TTL: variants seen among roughly 807,000 people sequenced by gnomAD.
TTL encodes the protein tubulin tyrosine ligase.
TTL carries 10 observed loss-of-function variants against 41.1 expected under a neutral mutation model. That is an observed-to-expected ratio of 0.24 (90% CI 0.15 to 0.41). TTL has a LOEUF of 0.41. Ranked by LOEUF, TTL falls within the 10% of genes least tolerant of loss-of-function variation. The pLI is 1.00. For synonymous variants in TTL, 175 were observed against 175.5 expected, an observed-to-expected ratio of 1.00 and a Z score of 0.02; for missense variants, 367 against 460.4, an observed-to-expected ratio of 0.80 and a Z score of 1.86.
In TTL at chr2:112,482,622, G is replaced by A. The variant is rs1178262409; in HGVS notation, c.157+121G>A. 8.2e-6 allele frequency: 9 copies of A among 1,103,678 alleles called. No homozygotes were observed. The highest frequency in any genetic ancestry group is 3.1e-5 in the East Asian group (1 of 32,680). The allele number at this position is 1,103,678 out of a possible 1,614,324, so 68.4% of individuals were successfully genotyped here. On this transcript the variant is annotated intron_variant, in intron 1 of 6. Transcript: ENST00000233336. This position sits in a 1 kb window ranked among gnomAD's most constrained non-coding sequence, Gnocchi z 5.3. ...TACATTTTCTCCTCTGTCGCTTGTC[G>A]GGCACATCAGAAACGGATTCGGAAA...
chr2:112,513,168 A>G (rs934331593), intron 5 of TTL, among the ~76,000 whole-genome samples: 1 of 152,212 alleles, frequency 6.6e-6, no homozygotes, highest in South Asian at 2.1e-4. Context: ...TATTTTTGCT[A>G]TCAACAGTTT....
Position 112,530,931 on chromosome 2 carries a change from T to G in TTL, c.*2136T>G. 1 of 177,508 alleles carries G rather than the reference T, an allele frequency of 5.6e-6. No individual in the cohort carries two copies. The highest frequency in any genetic ancestry group is 6.3e-5 in the Admixed American group (1 of 15,876). The allele number at this position is 177,508 out of a possible 1,614,324, so 11.0% of individuals were successfully genotyped here. A position where few individuals can be genotyped will look rare whatever the true frequency, so the allele number is the denominator to read the frequency against. ...TTTTTTAAATTTTTAAAATTTGATT[T>G]TAAATTTCAAATAAATTTAAATAAA... On this transcript the variant is annotated 3_prime_UTR_variant, in exon 7 of 7. Transcript: ENST00000233336.
chr2:112,489,775 C>T (rs1047674614), intron 2 of TTL, among the ~76,000 whole-genome samples: 58 of 152,280 alleles, frequency 3.8e-4, no homozygotes, highest in African/African-American at 1.4e-3. Flanking sequence ...AAGATCTTCT[C>T]TTCCCTTCCT....
rs1456679372 is a variant in TTL at position 112,494,207 on chromosome 2, T to C, written c.301T>C (p.Tyr101His). The C allele has an allele frequency of 6.2e-7, 1 of 1,614,238 alleles. No individual in the cohort carries two copies. Among genetic ancestry groups the C allele is most frequent in the Non-Finnish European group, 8.5e-7 (1 of 1,180,022 alleles). The change falls in exon 3 of 7, where the codon TAT becomes CAT. Residue 101 changes from tyrosine to histidine, a missense_variant. Tyr to His is a moderately conservative substitution (Grantham distance 83). Coordinates refer to ENST00000233336, the MANE Select transcript of TTL (RefSeq NM_153712.5). ...CTWFPESYVI[Y>H]PTNLKTPVAP... Reference sequence around the variant, plus strand: ...ATGGTTCCCTGAATCTTATGTGATTTATCCAACCAATCTCAAGACTCCAGT... The same window carrying C: ...ATGGTTCCCTGAATCTTATGTGATTCATCCAACCAATCTCAAGACTCCAGT...
At chr2:112,503,428 T>TA (rs1681754901) in intron 5 of TTL, among the ~76,000 whole-genome samples, 1 of 147,410 alleles carries the variant, frequency 6.8e-6, no homozygotes, top group African/African-American at 2.5e-5. Flanking sequence ...TATTTATATA[T>TA]TTATTTATTT....
chr2:112,532,357 A>G lies in TTL; in HGVS notation c.*3562A>G, dbSNP rs1393546008. 1 of 227,032 alleles carries G rather than the reference A, an allele frequency of 4.4e-6. No homozygotes were observed. The highest frequency in any genetic ancestry group is 8.8e-6 in the Non-Finnish European group (1 of 114,190). The allele number at this position is 227,032 out of a possible 1,614,324, so 14.1% of individuals were successfully genotyped here. On this transcript the variant is annotated 3_prime_UTR_variant, in exon 7 of 7. Coordinates refer to ENST00000233336, the MANE Select transcript of TTL (RefSeq NM_153712.5). ...ATGACTGCTGAAATAAGGCGATTGT[A>G]TGAATATTTAAAATGCCTGGAACAC...
intron 2 of TTL, among the ~76,000 whole-genome samples, chr2:112,490,568 C>CTTT (rs35722764): frequency 9.4e-4 from 104 of 110,690 alleles, no homozygotes; most frequent in Middle Eastern, 5.8e-3. Context: ...CTTAGTAAAT[C>CTTT]TTTTTTTTTT....
chr2:112,482,189 C>G lies in TTL; in HGVS notation c.-156C>G. The G allele has an allele frequency of 3.6e-6, 1 of 275,398 alleles. No individual in the cohort carries two copies. Among genetic ancestry groups the G allele is most frequent in the Non-Finnish European group, 5.4e-6 (1 of 185,020 alleles). 17.1% of individuals were successfully genotyped at this position (275,398 alleles called of 1,614,324 possible). On this transcript the variant is annotated 5_prime_UTR_variant, in exon 1 of 7. Transcript: ENST00000233336. The surrounding 1 kb of genome is among the most constrained non-coding windows in gnomAD (Gnocchi z 5.3). Reference sequence around the variant, plus strand: ...CTCCGGCACCCGGCGGGCGCCCGGGCGCGGCGCCGCCGGCACCCGAGAGGC... The same window carrying G: ...CTCCGGCACCCGGCGGGCGCCCGGGGGCGGCGCCGCCGGCACCCGAGAGGC...
At chr2:112,509,659 C>T (rs896547054) in intron 5 of TTL, among the ~76,000 whole-genome samples, 20 of 152,178 alleles carry the variant, frequency 1.3e-4, no homozygotes, top group Non-Finnish European at 2.4e-4. Flanking sequence ...GGCAATGCCT[C>T]GCCCTGCTTC....
At chr2:112,484,137 A>T (rs1052275132) in intron 1 of TTL, among the ~76,000 whole-genome samples, 1 of 152,040 alleles carries the variant, frequency 6.6e-6, no homozygotes, top group Non-Finnish European at 1.5e-5. Context: ...GCTTAAGCCT[A>T]GGAGTGAGAA....
At position 112,540,386 on chromosome 2, in the gene TTL, C is replaced by T. The variant is rs934873292; in HGVS notation, c.*11591C>T. 2.0e-5 allele frequency: 3 copies of T among 150,940 alleles called. No homozygotes were observed. Among genetic ancestry groups the T allele is most frequent in the Admixed American group, 6.6e-5 (1 of 15,174 alleles). The allele number at this position is 150,940 out of a possible 1,614,324, so 9.4% of individuals were successfully genotyped here. On this transcript the variant is annotated 3_prime_UTR_variant, in exon 7 of 7. Coordinates refer to ENST00000233336, the MANE Select transcript of TTL (RefSeq NM_153712.5). The stretch of plus-strand genomic sequence containing the variant: ...TGAGCCAAGATCATGCCACTGCACT[C>T]CATCCTCAGCAACAAGAGCAAAACT...
chr2:112,493,391 A>G (rs962890490), intron 2 of TTL, among the ~76,000 whole-genome samples: 9 of 151,542 alleles, frequency 5.9e-5, no homozygotes, highest in Non-Finnish European at 1.0e-4. Flanking sequence ...TCGGGCCTGC[A>G]TGTTGGCTGG....
At chr2:112,500,400 A>G (rs916703352) in intron 3 of TTL, among the ~76,000 whole-genome samples, 2 of 152,128 alleles carry the variant, frequency 1.3e-5, no homozygotes, top group African/African-American at 4.8e-5. Flanking sequence ...GTGAAACCCC[A>G]TATGTACTAA....
chr2:112,527,681 C>T (rs1335955273), intron 6 of TTL, among the ~76,000 whole-genome samples: 1 of 151,988 alleles, frequency 6.6e-6, no homozygotes, highest in African/African-American at 2.4e-5. Context: ...TTCTTCCATC[C>T]CTTTTATTTT....
chr2:112,503,658 C>CTTTT (rs1202499627), intron 5 of TTL, among the ~76,000 whole-genome samples: 3 of 105,150 alleles, frequency 2.9e-5, no homozygotes, highest in Non-Finnish European at 5.7e-5. Flanking sequence ...GTCTTGAACT[C>CTTTT]TTTTTTTTTT....
rs1682589073 is a variant in TTL at position 112,535,928 on chromosome 2, C to T, written c.*7133C>T. 1 of 152,160 alleles carries T rather than the reference C, an allele frequency of 6.6e-6. No homozygotes were observed. Among genetic ancestry groups the T allele is most frequent in the Non-Finnish European group, 1.5e-5 (1 of 68,034 alleles). 9.4% of individuals were successfully genotyped at this position (152,160 alleles called of 1,614,324 possible). On this transcript the variant is annotated 3_prime_UTR_variant, in exon 7 of 7. Coordinates refer to ENST00000233336, the MANE Select transcript of TTL (RefSeq NM_153712.5). ...CAAGTAATCTTCCCACCTTAGCCACCCAAGTAGCTGGAACTATAGGTGCCT... is the reference window on the plus strand; with the variant it reads ...CAAGTAATCTTCCCACCTTAGCCACTCAAGTAGCTGGAACTATAGGTGCCT...
intron 5 of TTL, among the ~76,000 whole-genome samples, chr2:112,503,403 GTA>G (rs61614473): frequency 0.011 from 1,515 of 143,426 alleles, 24 homozygotes; most frequent in African/African-American, 0.036. Flanking sequence ...GTGTGTGTGT[GTA>G]TATATATATA....
Position 112,531,612 on chromosome 2 carries a change from G to A in TTL, c.*2817G>A, listed in dbSNP as rs1171927833. The A allele has an allele frequency of 8.8e-6, 2 of 228,172 alleles. No homozygotes were observed. The highest frequency in any genetic ancestry group is 1.7e-5 in the Non-Finnish European group (2 of 114,984). The allele number at this position is 228,172 out of a possible 1,614,324, so 14.1% of individuals were successfully genotyped here. A position where few individuals can be genotyped will look rare whatever the true frequency, so the allele number is the denominator to read the frequency against. On this transcript the variant is annotated 3_prime_UTR_variant, in exon 7 of 7. Coordinates refer to ENST00000233336, the MANE Select transcript of TTL (RefSeq NM_153712.5). The stretch of plus-strand genomic sequence containing the variant: ...AACCTCAGACAGCAATATGCCTTGA[G>A]ATGCCTTGAACCATGCTTGAGAAGG...
At chr2:112,492,815 C>CG (rs1247209121) in intron 2 of TTL, among the ~76,000 whole-genome samples, 1 of 152,082 alleles carries the variant, frequency 6.6e-6, no homozygotes, top group East Asian at 1.9e-4. Context: ...GTTTTCAACC[C>CG]GGGAGGTAGA....
Sources: allele counts gnomAD v4.1 joint callset (sites outside exome capture counted in the v4.1 genomes callset), GRCh38; gene constraint gnomAD v4.1.1; non-coding constraint Gnocchi (gnomAD v3.1); transcripts MANE v1.5; gene names NCBI Gene and HGNC (gene_info 2026-07-23, HGNC 2026-07-21).